Variants in SUGCT observed in about 807,000 individuals in gnomAD.
The protein encoded by SUGCT is succinyl-CoA:glutarate CoA-transferase.
SUGCT carries 41 observed loss-of-function variants against 55.0 expected under a neutral mutation model. The observed-to-expected ratio is 0.74, with a 90% CI of 0.58 to 0.97. The LOEUF (loss-of-function observed/expected upper bound fraction) is 0.97, where lower values mean the gene tolerates loss of function less well. Among genes scored for constraint, SUGCT ranks in the 50% least tolerant of loss-of-function variants. The pLI is 0.00. For synonymous variants in SUGCT, 187 were observed against 200.4 expected (o/e 0.93, Z 0.56); for missense variants, 568 against 547.8 (o/e 1.04, Z -0.37).
At chr7:41,009,982 T>A in the SUGCT span, among the ~76,000 whole-genome samples, 1 of 152,222 alleles carries the variant, frequency 6.6e-6, no homozygotes, top group African/African-American at 2.4e-5. Flanking sequence ...CTTTGATGTG[T>A]GCATCTCAAC....
intron 12 of SUGCT, among the ~76,000 whole-genome samples, chr7:40,611,452 GA>G (rs1456382593): frequency 6.6e-6 from 1 of 152,168 alleles, no homozygotes; most frequent in Non-Finnish European, 1.5e-5. Context: ...CTGAATGACT[GA>G]ATGTCCTTTC....
At chr7:40,886,501 G>A in the SUGCT span, among the ~76,000 whole-genome samples, 1 of 152,188 alleles carries the variant, frequency 6.6e-6, no homozygotes, top group African/African-American at 2.4e-5. Context: ...ATTACAGGTA[G>A]AGAATGAAAA....
At chr7:40,638,138 G>A (rs2151819977) in intron 12 of SUGCT, among the ~76,000 whole-genome samples, 1 of 152,334 alleles carries the variant, frequency 6.6e-6, no homozygotes, top group East Asian at 1.9e-4. Flanking sequence ...TGCTTTTAGA[G>A]TGCAGGGTTA....
At chr7:40,753,501 T>C (rs983229953) in intron 13 of SUGCT, among the ~76,000 whole-genome samples, 1 of 152,198 alleles carries the variant, frequency 6.6e-6, no homozygotes, top group African/African-American at 2.4e-5. Flanking sequence ...AGGATTGTTA[T>C]TAGCATTATT....
intron 12 of SUGCT, among the ~76,000 whole-genome samples, chr7:40,607,950 C>T (rs902647117): frequency 1.3e-5 from 2 of 152,184 alleles, no homozygotes; most frequent in Non-Finnish European, 2.9e-5. Flanking sequence ...GAATTTATGG[C>T]CTCAATAATG....
chr7:40,651,096 C>T lies in SUGCT; in HGVS notation c.1090-98338C>T, dbSNP rs1192718475. ...ATAGTATTCCATGGTGTATATGTAC[C>T]ACATTTTCTTTATCTGCTCTATCAT... is the stretch of plus-strand genomic sequence containing the variant. On this transcript the variant is annotated intron_variant, in intron 12 of 13. Transcript: ENST00000335693. Among the ~76,000 whole-genome samples, 10 of 152,194 alleles carry T rather than the reference C, an allele frequency of 6.6e-5. No homozygotes were observed. In the East Asian group the frequency reaches 1.7e-3, roughly 26 times the overall value.
At chr7:40,374,279 T>G (rs1162413577) in intron 9 of SUGCT, among the ~76,000 whole-genome samples, 7 of 152,176 alleles carry the variant, frequency 4.6e-5, no homozygotes, top group African/African-American at 1.7e-4. Context: ...TTTTTGCACG[T>G]GCTTTCTGTT....
the SUGCT span, among the ~76,000 whole-genome samples, chr7:40,999,165 C>T: frequency 2.0e-5 from 3 of 151,600 alleles, no homozygotes; most frequent in African/African-American, 4.8e-5. Context: ...GGTGAGAGGA[C>T]GTCTGTAGAT....
chr7:40,548,186 CTTT>C (rs1186226631), intron 12 of SUGCT, among the ~76,000 whole-genome samples: 205 of 105,014 alleles, frequency 2.0e-3, no homozygotes, highest in African/African-American at 7.0e-3. Flanking sequence ...TTCTTTCTTT[CTTT>C]TTTTTTTTTT....
chr7:41,022,759 A>T, the SUGCT span, among the ~76,000 whole-genome samples: 1 of 152,338 alleles, frequency 6.6e-6, no homozygotes, highest in East Asian at 1.9e-4. Context: ...TAAGATAAGC[A>T]TGTAAAAATA....
At chr7:40,929,169 C>T in the SUGCT span, among the ~76,000 whole-genome samples, 6 of 151,992 alleles carry the variant, frequency 3.9e-5, no homozygotes, top group African/African-American at 1.2e-4. Flanking sequence ...TGAGAACATG[C>T]GGTGTTTGGT....
chr7:40,237,799 C>T (rs1789112238), intron 7 of SUGCT, 73 bp downstream of exon 7: 8 of 1,228,246 alleles, frequency 6.5e-6, no homozygotes, highest in Non-Finnish European at 8.2e-6. Context: ...TCTGCACTAA[C>T]CCATAGGATT....
chr7:40,790,676 G>T (rs780561552), intron 13 of SUGCT, among the ~76,000 whole-genome samples: 2 of 152,072 alleles, frequency 1.3e-5, no homozygotes, highest in Non-Finnish European at 2.9e-5. Flanking sequence ...AAGTCATCAC[G>T]TTTACTTATA....
At chr7:40,444,839 A>G (rs1441703649) in intron 9 of SUGCT, among the ~76,000 whole-genome samples, 1 of 152,188 alleles carries the variant, frequency 6.6e-6, no homozygotes, top group Non-Finnish European at 1.5e-5. Context: ...TTACCCATTC[A>G]GTATGACATT....
At chr7:40,920,060 A>G in the SUGCT span, among the ~76,000 whole-genome samples, 1 of 151,998 alleles carries the variant, frequency 6.6e-6, no homozygotes, top group East Asian at 1.9e-4. Context: ...TCTCGGAGGT[A>G]TCTTTCTTGA....
chr7:40,583,960 G>A (rs1044074884), intron 12 of SUGCT, among the ~76,000 whole-genome samples: 2 of 152,156 alleles, frequency 1.3e-5, no homozygotes, highest in Non-Finnish European at 2.9e-5. Flanking sequence ...CTATGTTGAA[G>A]CATACACTTA....
At chr7:40,985,178 A>T in the SUGCT span, among the ~76,000 whole-genome samples, 2 of 152,170 alleles carry the variant, frequency 1.3e-5, no homozygotes, top group South Asian at 4.1e-4. Context: ...TTGCAAGTTG[A>T]AATTGCAAAT....
the SUGCT span, among the ~76,000 whole-genome samples, chr7:40,918,925 C>T: frequency 6.6e-6 from 1 of 152,136 alleles, no homozygotes; most frequent in African/African-American, 2.4e-5. Context: ...ATCTGTGGGA[C>T]TCTGAATAGA....
intron 12 of SUGCT, among the ~76,000 whole-genome samples, chr7:40,595,243 C>T (rs141225140): frequency 6.6e-6 from 1 of 152,134 alleles, no homozygotes; most frequent in Non-Finnish European, 1.5e-5. Context: ...ATAGTTTGAC[C>T]GAGGTCATAA....
Sources: gnomAD v4.1 joint callset for allele counts (sites outside exome capture counted in the v4.1 genomes callset) on GRCh38, gnomAD v4.1.1 for gene constraint, MANE v1.5 for transcripts, NCBI Gene and HGNC (gene_info 2026-07-23, HGNC 2026-07-21) for gene names.